The following ABCB1 variants were observed in gnomAD, a reference collection of about 807,000 sequenced individuals.
ABCB1 encodes the protein ATP binding cassette subfamily B member 1, also known as ATP-dependent translocase ABCB1.
ABCB1 carries 69 observed loss-of-function variants against 142.0 expected under a neutral mutation model. The ratio of observed to expected loss-of-function variants is 0.49; its 90% CI spans 0.40 to 0.59. The LOEUF is 0.59. Ranked by LOEUF, ABCB1 falls within the 20% of genes least tolerant of loss-of-function variation. The pLI, the probability that ABCB1 is intolerant of heterozygous loss-of-function variation, is 0.00. For synonymous variants in ABCB1, 532 were observed against 539.2 expected, an observed-to-expected ratio of 0.99 and a Z score of 0.18; for missense variants, 1,326 against 1,554.7, an observed-to-expected ratio of 0.85 and a Z score of 2.47.
At chr7:87,511,912 AG>A (rs1488177356) in intron 25 of ABCB1, among the ~76,000 whole-genome samples, 19 of 152,194 alleles carry the variant, frequency 1.2e-4, no homozygotes, top group African/African-American at 4.3e-4. Context: ...AGGAAAGGTA[AG>A]GGGAAGACTC....
chr7:87,574,248 G>A (rs1818183695), intron 4 of ABCB1, among the ~76,000 whole-genome samples: 1 of 151,290 alleles, frequency 6.6e-6, no homozygotes, highest in Admixed American at 6.6e-5. Context: ...TCTAAGAGAG[G>A]AGGACGAGAG....
chr7:87,538,873 A>G (rs928791416), intron 19 of ABCB1, among the ~76,000 whole-genome samples: 2 of 152,140 alleles, frequency 1.3e-5, no homozygotes, highest in Non-Finnish European at 2.9e-5. Flanking sequence ...TGATTTGCGG[A>G]AAGAAAGAGT....
chr7:87,519,349 G>T lies in ABCB1; in HGVS notation c.2904C>A (p.Leu968=), dbSNP rs774029043. 2.5e-6 allele frequency: 4 copies of T among 1,614,108 alleles called. No individual in the cohort carries two copies. The East Asian group carries it at 8.9e-5, about 36-fold the overall frequency. Residue 968 remains leucine, a synonymous_variant, in exon 23 of 28, where the codon CTC becomes CTA. Coordinates refer to ENST00000622132, the MANE Select transcript of ABCB1 (RefSeq NM_001348946.2). ...RFGAYLVAHK[L]MSFEDVLLVF... is the part of the protein sequence containing the mutation. Reference sequence around the variant, plus strand: ...ACAACAGAACATCCTCAAAGCTCATGAGTTTATGTGCCACCAAGTAGGCTC... The same window carrying T: ...ACAACAGAACATCCTCAAAGCTCATTAGTTTATGTGCCACCAAGTAGGCTC...
At chr7:87,617,913 A>G (rs1451629947) in intron 1 of ABCB1, among the ~76,000 whole-genome samples, 1 of 152,096 alleles carries the variant, frequency 6.6e-6, no homozygotes, top group African/African-American at 2.4e-5. Context: ...TACTCTCCTG[A>G]TCCTCCTTAC....
chr7:87,525,281 T>C (rs1815733961), intron 21 of ABCB1, among the ~76,000 whole-genome samples: 1 of 152,160 alleles, frequency 6.6e-6, no homozygotes, highest in Non-Finnish European at 1.5e-5. Flanking sequence ...AATGTATGTT[T>C]CTAGAAAGAA....
intron 25 of ABCB1, among the ~76,000 whole-genome samples, chr7:87,514,181 A>C (rs1351442616): frequency 1.3e-5 from 2 of 152,228 alleles, no homozygotes; most frequent in East Asian, 3.8e-4. Flanking sequence ...GAGTCATTAA[A>C]TGCTACCAGC....
At chr7:87,515,097 G>T (rs4148749) in intron 25 of ABCB1, 134 bp downstream of exon 25, 4 of 1,170,134 alleles carry the variant, frequency 3.4e-6, no homozygotes, top group Admixed American at 2.0e-5. Flanking sequence ...ACCATATTTA[G>T]GCTCTCAGAC....
chr7:87,535,809 G>T (rs1302467586), intron 20 of ABCB1, among the ~76,000 whole-genome samples: 2 of 152,120 alleles, frequency 1.3e-5, no homozygotes, highest in Non-Finnish European at 2.9e-5. Context: ...ACACACCAGA[G>T]ATTACATGAA....
intron 1 of ABCB1, among the ~76,000 whole-genome samples, chr7:87,615,868 A>T (rs1236594586): frequency 1.3e-5 from 2 of 152,222 alleles, no homozygotes; most frequent in African/African-American, 4.8e-5. Flanking sequence ...TGATTTTTGA[A>T]CACAAACTAC....
chr7:87,537,118 CCA>C (rs1199418146), intron 19 of ABCB1: 1 of 155,962 alleles, frequency 6.4e-6, no homozygotes, highest in Non-Finnish European at 1.4e-5. Context: ...TTTGTAAAAG[CCA>C]CCCCCTTCCT....
intron 3 of ABCB1, among the ~76,000 whole-genome samples, chr7:87,592,852 A>G (rs1305558036): frequency 6.6e-6 from 1 of 151,834 alleles, no homozygotes; most frequent in East Asian, 1.9e-4. Flanking sequence ...AAAAAAATTA[A>G]TGTTTCCCTA....
At chr7:87,542,480 C>G (rs1816584859) in intron 17 of ABCB1, among the ~76,000 whole-genome samples, 1 of 152,184 alleles carries the variant, frequency 6.6e-6, no homozygotes, top group Admixed American at 6.5e-5. Context: ...CAATCCGATG[C>G]AGAGCCCACT....
At chr7:87,543,735 T>C (rs1271966326) in intron 17 of ABCB1, among the ~76,000 whole-genome samples, 17 of 152,214 alleles carry the variant, frequency 1.1e-4, no homozygotes, top group Non-Finnish European at 1.9e-4. Context: ...CTGGAAAGTA[T>C]GTATGTTAGA....
intron 3 of ABCB1, among the ~76,000 whole-genome samples, chr7:87,587,597 T>A (rs190840416): frequency 6.6e-6 from 1 of 152,030 alleles, no homozygotes; most frequent in South Asian, 2.1e-4. Flanking sequence ...TGTAGCTGGG[T>A]GCAGTGGCTC....
chr7:87,689,820 G>A (rs953300428), intron 1 of ABCB1, among the ~76,000 whole-genome samples: 1 of 152,036 alleles, frequency 6.6e-6, no homozygotes, highest in African/African-American at 2.4e-5. Context: ...TGCTTTGCTA[G>A]ACGTCTAATG....
intron 1 of ABCB1, among the ~76,000 whole-genome samples, chr7:87,678,641 A>C (rs1037075883): frequency 6.6e-6 from 1 of 152,202 alleles, no homozygotes; most frequent in African/African-American, 2.4e-5. Flanking sequence ...CACTCCAATT[A>C]AAAGAGATTT....
intron 1 of ABCB1, chr7:87,694,079 C>A (rs1828274219): frequency 2.0e-6 from 3 of 1,512,102 alleles, no homozygotes; most frequent in Non-Finnish European, 2.6e-6. Context: ...TTTTGTAAAG[C>A]CTTCTTTTTT....
chr7:87,531,499 TG>T lies in ABCB1; in HGVS notation c.2482-3del. On this transcript the variant is annotated splice_region_variant and splice_polypyrimidine_tract_variant and intron_variant, in intron 20 of 27. Coordinates refer to ENST00000622132, the MANE Select transcript of ABCB1 (RefSeq NM_001348946.2). The stretch of plus-strand genomic sequence containing the variant: ...TACAGCAAGCCTGGAACCTATAGCC[TG>T]CAAAACAAAACAAATTAGAGAAATT... 1 of 1,612,444 alleles carries T rather than the reference TG, an allele frequency of 6.2e-7. No individual in the cohort carries two copies. The highest frequency in any genetic ancestry group is 8.5e-7 in the Non-Finnish European group (1 of 1,179,392).
intron 1 of ABCB1, among the ~76,000 whole-genome samples, chr7:87,626,020 A>G (rs1037299750): frequency 7.3e-6 from 1 of 137,516 alleles, no homozygotes; most frequent in African/African-American, 3.0e-5. Flanking sequence ...ATATATATAT[A>G]TATAGAGAGA....
Sources: gnomAD v4.1 joint callset for allele counts (sites outside exome capture counted in the v4.1 genomes callset) on GRCh38, gnomAD v4.1.1 for gene constraint, MANE v1.5 for transcripts, NCBI Gene and HGNC (gene_info 2026-07-23, HGNC 2026-07-21) for gene names.